Variants in OSBPL5 observed in about 807,000 individuals in gnomAD.
OSBPL5 encodes oxysterol-binding protein-related protein 5.
A neutral mutation model predicts 111.2 loss-of-function variants in OSBPL5; 71 were observed. That is an observed-to-expected ratio of 0.64 (90% CI 0.53 to 0.78). The LOEUF is 0.78. Among genes scored for constraint, OSBPL5 ranks in the 30% least tolerant of loss-of-function variants. OSBPL5 has a pLI of 0.00. For synonymous variants in OSBPL5, 549 were observed against 513.9 expected (o/e 1.07, Z -0.93); for missense variants, 1,210 against 1,189.3 (o/e 1.02, Z -0.26).
intron 1 of OSBPL5, among the ~76,000 whole-genome samples, chr11:3,158,240 G>A (rs1199343949): frequency 6.6e-6 from 1 of 152,264 alleles, no homozygotes; most frequent in Non-Finnish European, 1.5e-5. Flanking sequence ...CGGAGCGAGA[G>A]AAATCTGTGC....
intron 7 of OSBPL5, among the ~76,000 whole-genome samples, chr11:3,114,139 G>T (rs953663132): frequency 3.9e-5 from 6 of 152,054 alleles, no homozygotes; most frequent in African/African-American, 1.4e-4. Context: ...AGGAAAATAT[G>T]CTTTCTAAAA....
intron 3 of OSBPL5, among the ~76,000 whole-genome samples, chr11:3,123,914 T>C (rs1444056022): frequency 6.6e-6 from 1 of 152,220 alleles, no homozygotes; most frequent in Admixed American, 6.5e-5. Flanking sequence ...TTCCACGGAC[T>C]GGCGGTCCTG....
At chr11:3,116,854 C>CA (rs371907970) in intron 7 of OSBPL5, among the ~76,000 whole-genome samples, 1,456 of 75,436 alleles carry the variant, frequency 0.019, 35 homozygotes, top group Admixed American at 0.088. Flanking sequence ...GACTCCATCA[C>CA]AAAAAAAAAA....
rs921066477 is a variant in OSBPL5 at position 3,161,448 on chromosome 11, G to A, written c.-22+3768C>T. 2.0e-5 allele frequency: 3 copies of A among 152,246 alleles called. No homozygotes were observed. Among genetic ancestry groups the A allele is most frequent in the Admixed American group, 6.5e-5 (1 of 15,278 alleles). 9.4% of individuals were successfully genotyped at this position (152,246 alleles called of 1,614,324 possible). A position where few individuals can be genotyped will look rare whatever the true frequency, so the allele number is the denominator to read the frequency against. ...CTGGTGAAACCAGGACATGGTGGGT[G>A]GGACTTGCTAGATGGGGGCAGCCAG... On this transcript the variant is annotated intron_variant, in intron 1 of 21. Transcript: ENST00000263650. This position sits in a 1 kb window ranked among gnomAD's most constrained non-coding sequence, Gnocchi z 8.0.
rs1332294036 is a variant in OSBPL5, at chr11:3,140,508, C to A, written c.-21-11339G>T. ...AACACAAGGCCTTGACCTGGTAGCC[C>A]ACTTTCAACACTCCGTGAGCACGCA... On this transcript the variant is annotated intron_variant, in intron 1 of 21. Transcript: ENST00000263650. This position sits in a 1 kb window ranked among gnomAD's most constrained non-coding sequence, Gnocchi z 4.5. Among the ~76,000 whole-genome samples the A allele has an allele frequency of 6.6e-6, 1 of 152,148 alleles. No homozygotes were observed.
In OSBPL5 at chr11:3,107,246, G is replaced by C; in HGVS notation, c.1059+17C>G. Reference sequence around the variant, plus strand: ...GGCAGGGGAGACGCTTGGGGCTCCTGGCTGGGGGGCTCTCACCTCCCCCAG... The same window carrying C: ...GGCAGGGGAGACGCTTGGGGCTCCTCGCTGGGGGGCTCTCACCTCCCCCAG... On this transcript the variant is annotated intron_variant, in intron 9 of 21. Coordinates refer to ENST00000263650, the MANE Select transcript of OSBPL5 (RefSeq NM_020896.4). The surrounding 1 kb of genome is among the most constrained non-coding windows in gnomAD (Gnocchi z 6.1). 1 of 1,607,812 alleles carries C rather than the reference G, an allele frequency of 6.2e-7. No individual in the cohort carries two copies. The highest frequency in any genetic ancestry group is 1.3e-5 in the African/African-American group (1 of 74,634).
At chr11:3,136,516 C>A (rs1203835224) in intron 1 of OSBPL5, among the ~76,000 whole-genome samples, 1 of 152,270 alleles carries the variant, frequency 6.6e-6, no homozygotes, top group Non-Finnish European at 1.5e-5. Context: ...AATTCCTCCT[C>A]TGTCCTCCTG....
chr11:3,112,084 T>TGTGC (rs1554898337), intron 7 of OSBPL5, among the ~76,000 whole-genome samples: 1 of 123,452 alleles, frequency 8.1e-6, no homozygotes, highest in African/African-American at 3.2e-5. Flanking sequence ...CATGTGTGTG[T>TGTGC]GCATGTGTGT....
chr11:3,100,333 G>GTCTGAGCTCCT, intron 13 of OSBPL5, 77 bp from the exon 14 acceptor site: 1 of 1,305,510 alleles, frequency 7.7e-7, no homozygotes, highest in Non-Finnish European at 1.1e-6. Flanking sequence ...AAGTCACAGG[G>GTCTGAGCTCCT]TCTGAGCTCC....
At position 3,092,735 on chromosome 11, in the gene OSBPL5, G is replaced by C; in HGVS notation, c.2132+132C>G. On this transcript the variant is annotated intron_variant, in intron 18 of 21. Transcript: ENST00000263650. The surrounding 1 kb of genome is among the most constrained non-coding windows in gnomAD (Gnocchi z 5.4). ...CTGATGATGGGGGGTGTCACTATCT[G>C]ACCCTCCCCCACCGACTCCTCCAGG... 1.5e-6 allele frequency: 2 copies of C among 1,349,076 alleles called. No homozygotes were observed. Among genetic ancestry groups the C allele is most frequent in the Non-Finnish European group, 2.0e-6 (2 of 1,009,806 alleles). The allele number at this position is 1,349,076 out of a possible 1,614,324, so 83.6% of individuals were successfully genotyped here. A position where few individuals can be genotyped will look rare whatever the true frequency, so the allele number is the denominator to read the frequency against.
rs1157861366 is a variant in OSBPL5 at position 3,141,533 on chromosome 11, A to G, written c.-21-12364T>C. On this transcript the variant is annotated intron_variant, in intron 1 of 21. Transcript: ENST00000263650. This position sits in a 1 kb window ranked among gnomAD's most constrained non-coding sequence, Gnocchi z 6.5. ...TTCCGCTGTGGTGGAGAGCTTGCCA[A>G]AGTGTTCAGGAAATGGCATTAATGG... Among the ~76,000 whole-genome samples the G allele has an allele frequency of 6.6e-6, 1 of 152,136 alleles. No homozygotes were observed. Among genetic ancestry groups the G allele is most frequent in the Non-Finnish European group, 1.5e-5 (1 of 68,026 alleles).
rs747748493 is a variant in OSBPL5, at chr11:3,105,937, T to C, written c.1059+1326A>G. ...TTCTCCATCACAGCTGGGTCCAGGG[T>C]GTCCTCAGCTTTCTCCTAACAATGG... On this transcript the variant is annotated intron_variant, in intron 9 of 21. Transcript: ENST00000263650. The surrounding 1 kb of genome is among the most constrained non-coding windows in gnomAD (Gnocchi z 5.2). Among the ~76,000 whole-genome samples, 1 of 152,152 alleles carries C rather than the reference T, an allele frequency of 6.6e-6. No individual in the cohort carries two copies. Among genetic ancestry groups the C allele is most frequent in the Non-Finnish European group, 1.5e-5 (1 of 68,012 alleles).
At position 3,140,454 on chromosome 11, in the gene OSBPL5, G is replaced by A. The variant is rs1846074592; in HGVS notation, c.-21-11285C>T. Among the ~76,000 whole-genome samples the A allele has an allele frequency of 6.6e-6, 1 of 152,102 alleles. No individual in the cohort carries two copies. Among genetic ancestry groups the A allele is most frequent in the South Asian group, 2.1e-4 (1 of 4,830 alleles). The stretch of plus-strand genomic sequence containing the variant: ...GCGTGTCCTCCTGAGAGGCCTGTGT[G>A]GACACTCAGGGGTCCCAGTCTGAGG... On this transcript the variant is annotated intron_variant, in intron 1 of 21. Coordinates refer to ENST00000263650, the MANE Select transcript of OSBPL5 (RefSeq NM_020896.4). This position sits in a 1 kb window ranked among gnomAD's most constrained non-coding sequence, Gnocchi z 4.5.
chr11:3,097,867 G>A (rs1358952749), intron 14 of OSBPL5, among the ~76,000 whole-genome samples: 4 of 152,188 alleles, frequency 2.6e-5, no homozygotes, highest in Non-Finnish European at 1.5e-5. Context: ...AGGAGTTTGA[G>A]ACCAGCCTGG....
intron 1 of OSBPL5, among the ~76,000 whole-genome samples, chr11:3,144,616 G>A (rs1349794273): frequency 6.6e-6 from 1 of 152,220 alleles, no homozygotes; most frequent in East Asian, 1.9e-4. Context: ...GACTGGCTGA[G>A]CAGCCACACA....
intron 10 of OSBPL5, 43 bp from the exon 11 acceptor site, chr11:3,103,363 G>A (rs753517804): frequency 2.5e-5 from 39 of 1,531,782 alleles, no homozygotes; most frequent in East Asian, 7.2e-5. Flanking sequence ...TCCGGGGGCC[G>A]TGGGCCACCC....
chr11:3,103,433 G>C, intron 10 of OSBPL5, 113 bp from the exon 11 acceptor site: 1 of 919,494 alleles, frequency 1.1e-6, no homozygotes, highest in Non-Finnish European at 1.6e-6. Context: ...GCTGGAAACA[G>C]GCCACTTGGC....
intron 1 of OSBPL5, 130 bp from the exon 2 acceptor site, chr11:3,129,299 T>C: frequency 2.3e-6 from 2 of 877,488 alleles, no homozygotes; most frequent in Non-Finnish European, 3.1e-6. Flanking sequence ...GAGGAGGGCC[T>C]GGGCCCTGGG....
At chr11:3,153,099 G>A (rs555761168) in intron 1 of OSBPL5, among the ~76,000 whole-genome samples, 1 of 152,140 alleles carries the variant, frequency 6.6e-6, no homozygotes, top group South Asian at 2.1e-4. Flanking sequence ...GGGGGTCCCG[G>A]CTACGAGGTG....
Sources: allele counts gnomAD v4.1 joint callset (sites outside exome capture counted in the v4.1 genomes callset), GRCh38; gene constraint gnomAD v4.1.1; non-coding constraint Gnocchi (gnomAD v3.1); transcripts MANE v1.5; gene names NCBI Gene and HGNC (gene_info 2026-07-23, HGNC 2026-07-21).